MAGI2: variants seen among roughly 807,000 people sequenced by gnomAD.
MAGI2 encodes membrane associated guanylate kinase, WW and PDZ domain containing 2.
In MAGI2, 35 loss-of-function variants were observed where a neutral mutation model predicts 133.3. That is an observed-to-expected ratio of 0.26 (90% CI 0.20 to 0.35). MAGI2 has a LOEUF of 0.35. Among genes scored for constraint, MAGI2 ranks in the 10% least tolerant of loss-of-function variants. The pLI is 1.00. For missense variants in MAGI2, 1,636 were observed against 1,863.4 expected (o/e 0.88, Z 2.25); for synonymous variants, 729 against 710.6 (o/e 1.03, Z -0.41).
At chr7:78,436,565 A>G (rs1800307340) in intron 6 of MAGI2, among the ~76,000 whole-genome samples, 1 of 152,192 alleles carries the variant, frequency 6.6e-6, no homozygotes, top group Non-Finnish European at 1.5e-5. Flanking sequence ...TTAAAAACCC[A>G]AACAAACAAA....
chr7:79,070,030 C>T (rs573499936), intron 1 of MAGI2, among the ~76,000 whole-genome samples: 1 of 152,084 alleles, frequency 6.6e-6, no homozygotes, highest in African/African-American at 2.4e-5. Flanking sequence ...CTCTGCCTAC[C>T]CTTAACTTTT....
At chr7:78,237,823 TACCA>T (rs1790712109) in intron 10 of MAGI2, among the ~76,000 whole-genome samples, 1 of 152,206 alleles carries the variant, frequency 6.6e-6, no homozygotes, top group Non-Finnish European at 1.5e-5. Context: ...AAATGTACTC[TACCA>T]ATTTGAACAT....
rs935688165 is a variant in MAGI2, at chr7:78,990,554, A to T, written c.418+16536T>A. On this transcript the variant is annotated intron_variant, in intron 2 of 21. Transcript: ENST00000354212. ...TCAACCCCACCTGGTTTCTAAAGCA[A>T]CTTAAAATGGTTGCCTTTTCCCTGG... Among the ~76,000 whole-genome samples, 3 of 152,024 alleles carry T rather than the reference A, an allele frequency of 2.0e-5. 1 individual carries two copies. Among genetic ancestry groups the T allele is most frequent in the Admixed American group, 2.0e-4 (3 of 15,216 alleles).
At chr7:78,661,706 ACTGT>A (rs1812979781) in intron 2 of MAGI2, among the ~76,000 whole-genome samples, 1 of 152,154 alleles carries the variant, frequency 6.6e-6, no homozygotes, top group African/African-American at 2.4e-5. Flanking sequence ...TTCTTAAATG[ACTGT>A]CTGGTTAATA....
chr7:78,579,020 T>G (rs1166658069), intron 3 of MAGI2, among the ~76,000 whole-genome samples: 1 of 152,196 alleles, frequency 6.6e-6, no homozygotes, highest in East Asian at 1.9e-4. Flanking sequence ...CAGCCTTCTA[T>G]TCCCATGTCT....
chr7:78,049,386 A>C (rs763118734), intron 21 of MAGI2, among the ~76,000 whole-genome samples: 3 of 152,246 alleles, frequency 2.0e-5, no homozygotes, highest in Non-Finnish European at 4.4e-5. Flanking sequence ...GTTAGGGCTA[A>C]GGCCCAGAGT....
chr7:78,577,523 G>A (rs1217678514), intron 3 of MAGI2, among the ~76,000 whole-genome samples: 2 of 152,156 alleles, frequency 1.3e-5, no homozygotes, highest in Non-Finnish European at 2.9e-5. Flanking sequence ...CTTTGTGTGA[G>A]CAATAAAGCT....
At chr7:79,320,341 T>G (rs1451657721) in intron 1 of MAGI2, among the ~76,000 whole-genome samples, 3 of 152,136 alleles carry the variant, frequency 2.0e-5, no homozygotes, top group Non-Finnish European at 4.4e-5. Flanking sequence ...AAGCAATATA[T>G]TAAAAATCCA....
At chr7:78,480,306 G>A (rs182882800) in intron 6 of MAGI2, among the ~76,000 whole-genome samples, 19 of 151,690 alleles carry the variant, frequency 1.3e-4, no homozygotes, top group Admixed American at 1.2e-3. Flanking sequence ...GAAAACAGAA[G>A]ATGAAGGAAT....
At chr7:79,414,204 G>A (rs1284403749) in intron 1 of MAGI2, 1 of 152,102 alleles carries the variant, frequency 6.6e-6, no homozygotes, top group Admixed American at 6.6e-5. Flanking sequence ...TGCAAATAAT[G>A]AATAAATTGT....
chr7:78,826,980 G>A (rs2151436014), intron 2 of MAGI2, among the ~76,000 whole-genome samples: 1 of 152,212 alleles, frequency 6.6e-6, no homozygotes, highest in East Asian at 1.9e-4. Context: ...AGGAGAGGAG[G>A]CTAGAGTAAT....
chr7:78,997,343 C>T (rs1032606531), intron 2 of MAGI2, among the ~76,000 whole-genome samples: 13 of 152,108 alleles, frequency 8.5e-5, no homozygotes, highest in Non-Finnish European at 1.5e-4. Context: ...GTGGCTCATG[C>T]TTGTAATCCC....
chr7:78,025,822 G>A (rs1000420543), intron 21 of MAGI2, among the ~76,000 whole-genome samples: 2 of 152,194 alleles, frequency 1.3e-5, no homozygotes, highest in African/African-American at 4.8e-5. Context: ...GGACAGGGAT[G>A]AAGAGAAGCT....
At chr7:79,249,580 A>C (rs1833081065) in intron 1 of MAGI2, among the ~76,000 whole-genome samples, 2 of 152,152 alleles carry the variant, frequency 1.3e-5, no homozygotes, top group Admixed American at 6.6e-5. Context: ...CACACTCAAC[A>C]TACCAATATT....
At chr7:78,637,781 G>A (rs946018986) in intron 2 of MAGI2, among the ~76,000 whole-genome samples, 1 of 152,130 alleles carries the variant, frequency 6.6e-6, no homozygotes, top group Admixed American at 6.6e-5. Flanking sequence ...GAGTAAATGA[G>A]GGGTAGATGT....
chr7:78,760,065 A>G (rs1290961428), intron 2 of MAGI2, among the ~76,000 whole-genome samples: 1 of 152,178 alleles, frequency 6.6e-6, no homozygotes, highest in Admixed American at 6.5e-5. Flanking sequence ...GCAGCGAGCC[A>G]AGATCATGCC....
intron 3 of MAGI2, among the ~76,000 whole-genome samples, chr7:78,565,402 T>A (rs1365449535): frequency 6.6e-6 from 1 of 151,772 alleles, no homozygotes; most frequent in Non-Finnish European, 1.5e-5. Flanking sequence ...GATTTCGATG[T>A]TACAGTGAGC....
Position 79,453,549 on chromosome 7 carries a change from C to T in MAGI2, c.-229G>A. ...GTAGGAGAGCTTGGATGAGGTTGTG[C>T]TGTCCCTTGAATGACACTCAAGGCT... On this transcript the variant is annotated 5_prime_UTR_variant, in exon 1 of 22. Coordinates refer to ENST00000354212, the MANE Select transcript of MAGI2 (RefSeq NM_012301.4). 1 of 1,310,104 alleles carries T rather than the reference C, an allele frequency of 7.6e-7. No homozygotes were observed. Among genetic ancestry groups the T allele is most frequent in the Non-Finnish European group, 9.7e-7 (1 of 1,032,076 alleles). 81.2% of individuals were successfully genotyped at this position (1,310,104 alleles called of 1,614,324 possible).
chr7:79,056,472 GA>G (rs1203157586), intron 1 of MAGI2, among the ~76,000 whole-genome samples: 1 of 151,998 alleles, frequency 6.6e-6, no homozygotes, highest in Non-Finnish European at 1.5e-5. Context: ...TGGTCATAAT[GA>G]AAAAAAGACT....
Sources: allele counts gnomAD v4.1 joint callset (sites outside exome capture counted in the v4.1 genomes callset), GRCh38; gene constraint gnomAD v4.1.1; transcripts MANE v1.5; gene names NCBI Gene and HGNC (gene_info 2026-07-23, HGNC 2026-07-21).